Variants in LPP observed in about 807,000 individuals in gnomAD.
LPP encodes the protein LIM domain containing preferred translocation partner in lipoma, also known as lipoma-preferred partner.
In LPP, 38 loss-of-function variants were observed where a neutral mutation model predicts 60.4. The ratio of observed to expected loss-of-function variants is 0.63; its 90% CI spans 0.49 to 0.83. The LOEUF (loss-of-function observed/expected upper bound fraction) is 0.83. Among genes scored for constraint, LPP ranks in the 40% least tolerant of loss-of-function variants. The pLI is 0.00. For synonymous variants in LPP, 328 were observed against 290.8 expected, an observed-to-expected ratio of 1.13 and a Z score of -1.30; for missense variants, 902 against 783.6, an observed-to-expected ratio of 1.15 and a Z score of -1.80.
intron 9 of LPP, among the ~76,000 whole-genome samples, chr3:188,852,154 ACT>A (rs1194380020): frequency 8.5e-5 from 13 of 152,154 alleles, no homozygotes; most frequent in African/African-American, 2.9e-4. Context: ...ACAGAGTGAG[ACT>A]CTGTCTCAAA....
chr3:188,312,502 A>AT (rs1170417986), intron 2 of LPP, among the ~76,000 whole-genome samples: 1 of 152,074 alleles, frequency 6.6e-6, no homozygotes, highest in African/African-American at 2.4e-5. Context: ...TGTTTCTTTG[A>AT]TTTTGTGTGA....
intron 7 of LPP, among the ~76,000 whole-genome samples, chr3:188,684,656 C>T (rs1456499139): frequency 6.6e-6 from 1 of 151,966 alleles, no homozygotes; most frequent in South Asian, 2.1e-4. Context: ...TTTCAATATG[C>T]CATTACCAGA....
intron 9 of LPP, among the ~76,000 whole-genome samples, chr3:188,844,550 A>T (rs145042765): frequency 6.7e-6 from 1 of 149,062 alleles, no homozygotes; most frequent in African/African-American, 2.6e-5. Context: ...GCTTGTGTTA[A>T]ATCAATAATG....
intron 3 of LPP, among the ~76,000 whole-genome samples, chr3:188,392,321 C>A (rs1779897034): frequency 1.3e-5 from 2 of 152,100 alleles, no homozygotes; most frequent in South Asian, 4.1e-4. Context: ...TGGTTTCAAA[C>A]ATCTTGGAAA....
chr3:188,429,460 G>A (rs1309792712), intron 4 of LPP, among the ~76,000 whole-genome samples: 1 of 152,154 alleles, frequency 6.6e-6, no homozygotes, highest in Non-Finnish European at 1.5e-5. Flanking sequence ...GGTCCTCTTA[G>A]GCAATCTTAG....
At chr3:188,250,775 TTTC>T (rs1729022421) in intron 2 of LPP, among the ~76,000 whole-genome samples, 1 of 118,378 alleles carries the variant, frequency 8.4e-6, no homozygotes, top group African/African-American at 4.0e-5. Flanking sequence ...TCTTTCTTTC[TTTC>T]TTTCTTTCTG....
At chr3:188,544,605 C>G (rs1449293894) in intron 6 of LPP, among the ~76,000 whole-genome samples, 1 of 131,888 alleles carries the variant, frequency 7.6e-6, no homozygotes, top group Non-Finnish European at 1.6e-5. Flanking sequence ...CAGGAAACAA[C>G]AGGTGCTGGA....
chr3:188,489,938 C>A (rs547290470), intron 5 of LPP, among the ~76,000 whole-genome samples: 1 of 152,300 alleles, frequency 6.6e-6, no homozygotes, highest in African/African-American at 2.4e-5. Context: ...TGGTTTTCAT[C>A]TTTCCTTTTC....
intron 2 of LPP, among the ~76,000 whole-genome samples, chr3:188,307,493 G>C (rs1220074869): frequency 6.6e-6 from 1 of 152,126 alleles, no homozygotes; most frequent in Non-Finnish European, 1.5e-5. Flanking sequence ...CCTATCTCCT[G>C]TACTCTATTT....
rs1009504201 is a variant in LPP at position 188,735,028 on chromosome 3, A to C, written c.1241-25085A>C. 2.0e-5 allele frequency among the ~76,000 whole-genome samples: 3 copies of C among 152,212 alleles called. No homozygotes were observed. In the East Asian group the frequency reaches 5.8e-4, roughly 29 times the overall value. On this transcript the variant is annotated intron_variant, in intron 8 of 11. Transcript: ENST00000617246. ...CATTGGAGTATTCACGTCGTTGTTG[A>C]TCATAAGCAGAATTCCTTTTTAACA... is the stretch of plus-strand genomic sequence containing the variant.
At chr3:188,172,263 G>C (rs1408918425) in intron 1 of LPP, among the ~76,000 whole-genome samples, 1 of 152,226 alleles carries the variant, frequency 6.6e-6, no homozygotes, top group Non-Finnish European at 1.5e-5. Context: ...TAGTGCTTAA[G>C]GGCCAGAGCT....
chr3:188,885,032 G>A lies in LPP; in HGVS notation c.*10553G>A, dbSNP rs1204807188. The A allele has an allele frequency of 9.4e-6, 2 of 213,650 alleles. No homozygotes were observed. Among genetic ancestry groups the A allele is most frequent in the Admixed American group, 5.9e-5 (1 of 17,076 alleles). The allele number at this position is 213,650 out of a possible 1,614,324, so 13.2% of individuals were successfully genotyped here. ...AAAAAACCTCCTAGAAAGTCTCCAT[G>A]TATGCTCTAGAAGTTGCTCTACGTA... is the stretch of plus-strand genomic sequence containing the variant. On this transcript the variant is annotated 3_prime_UTR_variant, in exon 12 of 12. Coordinates refer to ENST00000617246, the MANE Select transcript of LPP (RefSeq NM_001375462.1).
chr3:188,285,079 C>T (rs547067864), intron 2 of LPP, among the ~76,000 whole-genome samples: 2 of 152,170 alleles, frequency 1.3e-5, no homozygotes, highest in South Asian at 2.1e-4. Context: ...TTGTGAGTCC[C>T]GGCCCTGCTT....
At chr3:188,642,937 A>AG (rs201371515) in intron 7 of LPP, among the ~76,000 whole-genome samples, 5 of 12,924 alleles carry the variant, frequency 3.9e-4, no homozygotes, top group Non-Finnish European at 1.2e-3. Context: ...ACTCCATCTC[A>AG]GGGAAAAAAA....
intron 3 of LPP, among the ~76,000 whole-genome samples, chr3:188,345,641 C>G (rs567120753): frequency 1.3e-5 from 2 of 152,316 alleles, no homozygotes; most frequent in South Asian, 4.1e-4. Flanking sequence ...CTCACCCTTT[C>G]AGACCCTTCT....
chr3:188,234,044 G>C (rs1056417351), intron 2 of LPP, among the ~76,000 whole-genome samples: 4 of 152,092 alleles, frequency 2.6e-5, no homozygotes, highest in Non-Finnish European at 5.9e-5. Flanking sequence ...TCTGTAGCCT[G>C]CTCAAATGCA....
chr3:188,236,056 T>C (rs948589649), intron 2 of LPP, among the ~76,000 whole-genome samples: 6 of 152,042 alleles, frequency 3.9e-5, no homozygotes, highest in Non-Finnish European at 8.8e-5. Flanking sequence ...TAGACACTAT[T>C]CCAGGTGATG....
chr3:188,448,836 G>A (rs114108916), intron 4 of LPP, among the ~76,000 whole-genome samples: 198 of 152,270 alleles, frequency 1.3e-3, no homozygotes, highest in African/African-American at 4.6e-3. Flanking sequence ...TTGTTGAAAC[G>A]TGCTTTTCTG....
intron 9 of LPP, among the ~76,000 whole-genome samples, chr3:188,780,131 A>G (rs1436887600): frequency 6.6e-6 from 1 of 152,118 alleles, no homozygotes; most frequent in African/African-American, 2.4e-5. Flanking sequence ...CCTGGATAGG[A>G]CTTTATAAAG....
Sources: gnomAD v4.1 joint callset for allele counts (sites outside exome capture counted in the v4.1 genomes callset) on GRCh38, gnomAD v4.1.1 for gene constraint, MANE v1.5 for transcripts, NCBI Gene and HGNC (gene_info 2026-07-23, HGNC 2026-07-21) for gene names.